The following RAB11FIP3 variants were observed in gnomAD, a reference collection of about 807,000 sequenced individuals.
RAB11FIP3 encodes rab11 family-interacting protein 3.
A neutral mutation model predicts 77.8 loss-of-function variants in RAB11FIP3; 17 were observed. The observed-to-expected ratio is 0.22, with a 90% CI of 0.15 to 0.33. RAB11FIP3 has a LOEUF of 0.33. Ranked by LOEUF, RAB11FIP3 falls within the 10% of genes least tolerant of loss-of-function variation. The pLI is 1.00. For missense variants in RAB11FIP3, 1,005 were observed against 1,011.2 expected (o/e 0.99, Z 0.08); for synonymous variants, 437 against 448.2 (o/e 0.98, Z 0.31).
intron 1 of RAB11FIP3, among the ~76,000 whole-genome samples, chr16:438,026 C>G (rs2055160474): frequency 6.6e-6 from 1 of 151,996 alleles, no homozygotes; most frequent in Non-Finnish European, 1.5e-5. Context: ...CCAGGCTGGC[C>G]TTGAACTCCT....
chr16:520,089 G>C (rs1423909648), intron 11 of RAB11FIP3, 33 bp from the exon 12 acceptor site: 4 of 1,540,130 alleles, frequency 2.6e-6, no homozygotes, highest in Non-Finnish European at 3.5e-6. Context: ...TGGGAGCCCA[G>C]GCCCCCCGGC....
At position 510,362 on chromosome 16, in the gene RAB11FIP3, C is replaced by A. The variant is rs1257355237; in HGVS notation, c.1500-298C>A. 2.3e-5 allele frequency: 8 copies of A among 345,122 alleles called. No individual in the cohort carries two copies. The East Asian group carries it at 4.4e-4, about 19-fold the overall frequency. The allele number at this position is 345,122 out of a possible 1,614,324, so 21.4% of individuals were successfully genotyped here. A position where few individuals can be genotyped will look rare whatever the true frequency, so the allele number is the denominator to read the frequency against. Reference sequence around the variant, plus strand: ...AAGTTACCTGGCGGGCTCAGGCCCTCTGAGTGCTGCGGTCCACAGGCCACA... The same window carrying A: ...AAGTTACCTGGCGGGCTCAGGCCCTATGAGTGCTGCGGTCCACAGGCCACA... On this transcript the variant is annotated intron_variant, in intron 8 of 13. Coordinates refer to ENST00000262305, the MANE Select transcript of RAB11FIP3 (RefSeq NM_014700.4).
In RAB11FIP3 at chr16:425,983, C is replaced by G; in HGVS notation, c.-24C>G. The G allele has an allele frequency of 1.0e-6, 1 of 953,826 alleles. No homozygotes were observed. The highest frequency in any genetic ancestry group is 1.2e-6 in the Non-Finnish European group (1 of 801,544). The allele number at this position is 953,826 out of a possible 1,614,324, so 59.1% of individuals were successfully genotyped here. Reference sequence around the variant, plus strand: ...GCCTTTGTCTGCCGCCCGCGCCCTTCCGCACCACTAGCCTCTCGGGAGCAT... The same window carrying G: ...GCCTTTGTCTGCCGCCCGCGCCCTTGCGCACCACTAGCCTCTCGGGAGCAT... On this transcript the variant is annotated 5_prime_UTR_variant, in exon 1 of 14. Coordinates refer to ENST00000262305, the MANE Select transcript of RAB11FIP3 (RefSeq NM_014700.4).
rs375793202 is a variant in RAB11FIP3 at position 520,837 on chromosome 16, T to C, written c.2269T>C (p.Ter757GlnextTer7). ...ETNPSILEVK[*>Q] ...CAACCCGTCCATCCTGGAGGTCAAG[T>C]AGAGGCAGGAAGGTCCAGCCTGAGC... Residue 757 changes from the stop codon to glutamine, a stop_lost, in exon 14 of 14, where the codon TAG becomes CAG. Transcript: ENST00000262305. The C allele has an allele frequency of 1.2e-6, 2 of 1,612,746 alleles. No individual in the cohort carries two copies. The highest frequency in any genetic ancestry group is 1.7e-6 in the Non-Finnish European group (2 of 1,179,380).
chr16:482,926 C>A (rs758232411), intron 4 of RAB11FIP3, among the ~76,000 whole-genome samples, 190 bp downstream of exon 4: 34 of 152,178 alleles, frequency 2.2e-4, no homozygotes, highest in Non-Finnish European at 4.9e-4. Flanking sequence ...CCGCCTTGCC[C>A]GAGCAGTCTC....
intron 3 of RAB11FIP3, among the ~76,000 whole-genome samples, chr16:479,402 C>A (rs2055987807): frequency 6.6e-6 from 1 of 152,042 alleles, no homozygotes; most frequent in Non-Finnish European, 1.5e-5. Flanking sequence ...AAAAAAAACA[C>A]AGCAGTAAAA....
At chr16:443,912 A>G (rs2055269212) in intron 1 of RAB11FIP3, among the ~76,000 whole-genome samples, 1 of 152,106 alleles carries the variant, frequency 6.6e-6, no homozygotes, top group Non-Finnish European at 1.5e-5. Context: ...CCGTCACCAA[A>G]TTGTCTTCCA....
rs1245819556 is a variant in RAB11FIP3, at chr16:520,538, TCTTCTCCACAGC to T, written c.2103_2114del (p.Thr702_Ser705del). 1.2e-6 allele frequency: 2 copies of T among 1,613,666 alleles called. No homozygotes were observed. Among genetic ancestry groups the T allele is most frequent in the Non-Finnish European group, 1.7e-6 (2 of 1,180,006 alleles). On this transcript the variant is annotated inframe_deletion, in exon 13 of 14. Transcript: ENST00000262305. The stretch of plus-strand genomic sequence containing the variant: ...CTCAGCATCCAGGGCGCCAAGAGCC[TCTTCTCCACAGC>T]CTTCTCTGAGTCCCTGGCTGCAGAG...
At position 496,838 on chromosome 16, in the gene RAB11FIP3, T is replaced by G; in HGVS notation, c.1280T>G (p.Leu427Arg). 1 of 1,597,546 alleles carries G rather than the reference T, an allele frequency of 6.3e-7. No homozygotes were observed. The highest frequency in any genetic ancestry group is 8.6e-7 in the Non-Finnish European group (1 of 1,164,976). Residue 427 changes from leucine to arginine, a missense_variant, in exon 6 of 14, where the codon CTC becomes CGC. Leu to Arg is a moderately radical substitution (Grantham distance 102). Around this residue, in one of 4 missense-constraint regions of RAB11FIP3, gnomAD observed 433 missense variants for 436.1 expected, o/e 0.99. Coordinates refer to ENST00000262305, the MANE Select transcript of RAB11FIP3 (RefSeq NM_014700.4). The stretch of plus-strand genomic sequence containing the variant: ...TTTCTGCACAGTCCGACAAAGCGGC[T>G]CTCCAGCAAGAAGGTGGCAAGGTAG... ...AFLTPSPTKR[L>R]SSKKVARYLH...
At chr16:479,753 T>C (rs1414393447) in intron 3 of RAB11FIP3, among the ~76,000 whole-genome samples, 1 of 151,864 alleles carries the variant, frequency 6.6e-6, no homozygotes, top group Non-Finnish European at 1.5e-5. Flanking sequence ...AAAACTCCAT[T>C]TCTACAAAAT....
intron 1 of RAB11FIP3, among the ~76,000 whole-genome samples, chr16:449,777 C>A (rs537338084): frequency 6.6e-6 from 1 of 151,956 alleles, no homozygotes; most frequent in Non-Finnish European, 1.5e-5. Flanking sequence ...CATCGTGAAA[C>A]CCTGTCTCTA....
chr16:447,990 AAG>A (rs140698347), intron 1 of RAB11FIP3, among the ~76,000 whole-genome samples: 54,189 of 150,602 alleles, frequency 0.36, 10,794 homozygotes, highest in Middle Eastern at 0.53. Context: ...AAAAAGGAAA[AAG>A]AAAAAAAACT....
At chr16:435,036 T>C (rs1437346511) in intron 1 of RAB11FIP3, among the ~76,000 whole-genome samples, 1 of 152,084 alleles carries the variant, frequency 6.6e-6, no homozygotes, top group African/African-American at 2.4e-5. Flanking sequence ...AAACCCCGTC[T>C]CTACGAAAAA....
intron 4 of RAB11FIP3, among the ~76,000 whole-genome samples, chr16:486,795 G>A (rs902057784): frequency 2.0e-5 from 3 of 152,204 alleles, no homozygotes; most frequent in Non-Finnish European, 2.9e-5. Context: ...TTGCTTCTGA[G>A]GGAGTAGCAG....
At chr16:443,985 C>T (rs1385107817) in intron 1 of RAB11FIP3, among the ~76,000 whole-genome samples, 3 of 152,160 alleles carry the variant, frequency 2.0e-5, no homozygotes, top group Non-Finnish European at 4.4e-5. Flanking sequence ...GTTTGTATTT[C>T]CTGGAGTGTA....
intron 9 of RAB11FIP3, among the ~76,000 whole-genome samples, chr16:512,228 C>CT (rs1036193447): frequency 5.5e-5 from 6 of 109,668 alleles, no homozygotes; most frequent in Admixed American, 1.9e-4. Context: ...AAATACCAAT[C>CT]TTTTTTTTTT....
intron 4 of RAB11FIP3, among the ~76,000 whole-genome samples, chr16:483,708 T>G (rs768985384): frequency 2.6e-5 from 4 of 152,144 alleles, no homozygotes; most frequent in Non-Finnish European, 5.9e-5. Flanking sequence ...ACTCGGAGTC[T>G]GGCACCTTGT....
chr16:484,295 A>G (rs1355338013), intron 4 of RAB11FIP3, among the ~76,000 whole-genome samples: 2 of 151,190 alleles, frequency 1.3e-5, no homozygotes, highest in East Asian at 3.9e-4. Flanking sequence ...GTTCCCCCAC[A>G]CAGGGAGGTC....
intron 5 of RAB11FIP3, among the ~76,000 whole-genome samples, chr16:489,661 C>T (rs937964668): frequency 2.8e-4 from 43 of 152,210 alleles, no homozygotes; most frequent in Admixed American, 6.5e-5. Flanking sequence ...GGTTGTCGTC[C>T]ATCTTTGCCA....
Sources: gnomAD v4.1 joint callset for allele counts (sites outside exome capture counted in the v4.1 genomes callset) on GRCh38, gnomAD v4.1.1 for gene constraint, gnomAD v4.1.1 regional missense constraint, MANE v1.5 for transcripts, NCBI Gene and HGNC (gene_info 2026-07-23, HGNC 2026-07-21) for gene names.